The following KCNIP4 variants were observed in gnomAD, a reference collection of about 807,000 sequenced individuals.
KCNIP4 encodes potassium voltage-gated channel interacting protein 4.
In KCNIP4, 12 loss-of-function variants were observed where a neutral mutation model predicts 34.0. That is an observed-to-expected ratio of 0.35 (90% confidence interval 0.23 to 0.57). The LOEUF (loss-of-function observed/expected upper bound fraction) is 0.57, where lower values mean the gene tolerates loss of function less well. Among genes scored for constraint, KCNIP4 ranks in the 20% least tolerant of loss-of-function variants. KCNIP4 has a pLI of 0.83. For missense variants in KCNIP4, 238 were observed against 311.7 expected (o/e 0.76, Z 1.78); for synonymous variants, 124 against 102.2 (o/e 1.21, Z -1.29).
intron 1 of KCNIP4, among the ~76,000 whole-genome samples, chr4:21,690,758 G>A (rs562412884): frequency 5.3e-5 from 8 of 152,196 alleles, no homozygotes; most frequent in Admixed American, 1.3e-4. Context: ...AACCATAGCC[G>A]TATCTCACTG....
intron 1 of KCNIP4, among the ~76,000 whole-genome samples, chr4:21,254,462 TAGG>T (rs1760924331): frequency 6.6e-6 from 1 of 152,190 alleles, no homozygotes; most frequent in Admixed American, 6.5e-5. Context: ...CATAATCTCA[TAGG>T]AGTAATAGGG....
chr4:20,828,224 C>T (rs768994944), intron 3 of KCNIP4, among the ~76,000 whole-genome samples: 26 of 152,158 alleles, frequency 1.7e-4, no homozygotes, highest in Non-Finnish European at 2.9e-4. Context: ...GTCAGGAGAT[C>T]GAGACTATCC....
chr4:20,810,096 A>G (rs927880367), intron 3 of KCNIP4, among the ~76,000 whole-genome samples: 1 of 152,218 alleles, frequency 6.6e-6, no homozygotes, highest in Non-Finnish European at 1.5e-5. Flanking sequence ...CAACTTGGCA[A>G]CTGGGGCCAG....
chr4:20,847,485 G>A (rs543613818), intron 3 of KCNIP4, among the ~76,000 whole-genome samples: 1 of 152,182 alleles, frequency 6.6e-6, no homozygotes, highest in African/African-American at 2.4e-5. Flanking sequence ...AGCCCTTCAG[G>A]TGATTCTGAG....
At chr4:21,376,471 T>C (rs1001052609) in intron 1 of KCNIP4, among the ~76,000 whole-genome samples, 3 of 152,216 alleles carry the variant, frequency 2.0e-5, no homozygotes, top group African/African-American at 7.2e-5. Flanking sequence ...GTTTTTTCAT[T>C]TACAGTATTC....
chr4:21,167,188 A>C (rs963124549), intron 1 of KCNIP4, among the ~76,000 whole-genome samples: 2 of 152,048 alleles, frequency 1.3e-5, no homozygotes, highest in African/African-American at 4.8e-5. Context: ...AAACAGACCC[A>C]TGTTTTCCTG....
chr4:21,377,872 C>T (rs1721108921), intron 1 of KCNIP4, among the ~76,000 whole-genome samples: 1 of 152,164 alleles, frequency 6.6e-6, no homozygotes, highest in South Asian at 2.1e-4. Context: ...GCTCATATTC[C>T]TGACATTCGC....
intron 1 of KCNIP4, among the ~76,000 whole-genome samples, chr4:21,496,632 G>T (rs771959873): frequency 5.9e-5 from 9 of 152,120 alleles, no homozygotes; most frequent in Non-Finnish European, 1.2e-4. Context: ...TACAGCAGGG[G>T]TCCCCAACCT....
chr4:20,933,966 T>A (rs539464970), intron 1 of KCNIP4, among the ~76,000 whole-genome samples: 2 of 152,186 alleles, frequency 1.3e-5, no homozygotes, highest in Non-Finnish European at 2.9e-5. Context: ...TCTATTTGCA[T>A]GTGTGCATTG....
At chr4:21,100,916 TTGTG>T (rs1449862816) in intron 1 of KCNIP4, among the ~76,000 whole-genome samples, 2 of 149,608 alleles carry the variant, frequency 1.3e-5, no homozygotes, top group Non-Finnish European at 3.0e-5. Context: ...GTATGATTGT[TTGTG>T]TGTGTATGTG....
chr4:21,654,827 G>A (rs1747794666), intron 1 of KCNIP4, among the ~76,000 whole-genome samples: 1 of 152,104 alleles, frequency 6.6e-6, no homozygotes. Flanking sequence ...GGGAGGCTGA[G>A]GCAGGAGAAT....
intron 1 of KCNIP4, among the ~76,000 whole-genome samples, chr4:21,757,570 G>T (rs1717750184): frequency 6.6e-6 from 1 of 152,122 alleles, no homozygotes; most frequent in Non-Finnish European, 1.5e-5. Flanking sequence ...CTTTTTTAGA[G>T]ACGTCTTCAC....
intron 1 of KCNIP4, among the ~76,000 whole-genome samples, chr4:21,251,692 A>G (rs1274153597): frequency 6.6e-6 from 1 of 152,192 alleles, no homozygotes; most frequent in African/African-American, 2.4e-5. Context: ...ATAAAAAATG[A>G]TAAGTTCAAG....
At chr4:21,059,269 T>C (rs1289221073) in intron 1 of KCNIP4, among the ~76,000 whole-genome samples, 1 of 152,188 alleles carries the variant, frequency 6.6e-6, no homozygotes, top group Non-Finnish European at 1.5e-5. Context: ...CTCTGAGCAA[T>C]TGTACTTCTG....
Position 21,287,850 on chromosome 4 carries a change from T to A in KCNIP4, c.62-405141A>T, listed in dbSNP as rs142893284. Reference sequence around the variant, plus strand: ...TTTGGTTATTGAGAAATCAAAAAAATATATATATAGTTAATACCAAAATAT... The same window carrying A: ...TTTGGTTATTGAGAAATCAAAAAAAAATATATATAGTTAATACCAAAATAT... On this transcript the variant is annotated intron_variant, in intron 1 of 8. Coordinates refer to ENST00000382152, the MANE Select transcript of KCNIP4 (RefSeq NM_025221.6). Among the ~76,000 whole-genome samples, 1,132 of 152,188 alleles carry A rather than the reference T, an allele frequency of 7.4e-3. 60 individuals carry two copies. Among genetic ancestry groups the A allele is most frequent in the Admixed American group, 0.065 (997 of 15,254 alleles).
intron 1 of KCNIP4, among the ~76,000 whole-genome samples, chr4:21,288,278 A>G (rs1763237106): frequency 6.6e-6 from 1 of 152,166 alleles, no homozygotes; most frequent in Non-Finnish European, 1.5e-5. Context: ...CAACCTTATA[A>G]CTTGCCTATT....
chr4:21,496,906 T>A (rs1732895137), intron 1 of KCNIP4, among the ~76,000 whole-genome samples: 1 of 152,182 alleles, frequency 6.6e-6, no homozygotes, highest in Non-Finnish European at 1.5e-5. Context: ...GCTCTGTCTG[T>A]GCAAAAATTG....
At chr4:21,070,412 T>G (rs2108994757) in intron 1 of KCNIP4, among the ~76,000 whole-genome samples, 1 of 151,976 alleles carries the variant, frequency 6.6e-6, no homozygotes, top group East Asian at 1.9e-4. Flanking sequence ...AGTGTCCAAC[T>G]AGTTTAACTA....
At chr4:20,906,479 T>C (rs1727785420) in intron 1 of KCNIP4, among the ~76,000 whole-genome samples, 1 of 152,226 alleles carries the variant, frequency 6.6e-6, no homozygotes, top group Non-Finnish European at 1.5e-5. Flanking sequence ...AACACGTTTC[T>C]GCCATGTCTG....
Sources: gnomAD v4.1 joint callset for allele counts (sites outside exome capture counted in the v4.1 genomes callset) on GRCh38, gnomAD v4.1.1 for gene constraint, MANE v1.5 for transcripts, NCBI Gene and HGNC (gene_info 2026-07-23, HGNC 2026-07-21) for gene names.